RERE: variants seen among roughly 807,000 people sequenced by gnomAD.
RERE encodes arginine-glutamic acid dipeptide repeats.
Under a neutral mutation model 146.1 loss-of-function variants are expected in RERE, and 40 were observed. That is an observed-to-expected ratio of 0.27 (90% CI 0.21 to 0.36). The LOEUF (loss-of-function observed/expected upper bound fraction) is 0.36, where lower values mean the gene tolerates loss of function less well. Ranked by LOEUF, RERE falls within the 10% of genes least tolerant of loss-of-function variation. The pLI is 1.00. For missense variants in RERE, 1,933 were observed against 2,138.7 expected (o/e 0.90, Z 1.90); for synonymous variants, 1,003 against 866.0 (o/e 1.16, Z -2.78).
chr1:8,398,907 A>C (rs1303778290), intron 12 of RERE, among the ~76,000 whole-genome samples: 1 of 152,208 alleles, frequency 6.6e-6, no homozygotes, highest in Non-Finnish European at 1.5e-5. Flanking sequence ...GCTTTTCAAC[A>C]ACCTCACTTC....
At position 8,363,145 on chromosome 1, in the gene RERE, G is replaced by T. The variant is rs994811590; in HGVS notation, c.1741-301C>A. On this transcript the variant is annotated intron_variant, in intron 15 of 22. Transcript: ENST00000400908. ...GCTGGAAATGAACCACACTTTCTGA[G>T]CGGCAGAAAGTCGCCTGGGGCCATC... is the stretch of plus-strand genomic sequence containing the variant. 2.8e-4 allele frequency among the ~76,000 whole-genome samples: 42 copies of T among 152,372 alleles called. No individual in the cohort carries two copies. In the South Asian group the frequency reaches 3.5e-3, roughly 13 times the overall value.
intron 12 of RERE, among the ~76,000 whole-genome samples, chr1:8,397,699 G>A (rs1455399890): frequency 1.3e-5 from 2 of 151,740 alleles, no homozygotes; most frequent in Admixed American, 6.6e-5. Context: ...GGATCCACGC[G>A]CCTTAGACCA....
At chr1:8,527,741 G>A (rs1645587262) in intron 7 of RERE, among the ~76,000 whole-genome samples, 1 of 152,142 alleles carries the variant, frequency 6.6e-6, no homozygotes, top group South Asian at 2.1e-4. Flanking sequence ...GCATCTCACA[G>A]TTGGCTTCAC....
chr1:8,492,536 T>C (rs893327746), intron 10 of RERE, among the ~76,000 whole-genome samples: 4 of 151,902 alleles, frequency 2.6e-5, no homozygotes, highest in African/African-American at 4.8e-5. Context: ...GACAGGAGGA[T>C]TACTTAAGAC....
At position 8,497,547 on chromosome 1, in the gene RERE, G is replaced by GTA. The variant is rs1419491532; in HGVS notation, c.880-20_880-19dup. ...AGTTTGGCCTGTAAGACAGGGATGA[G>GTA]TAAGTCACAATCAAGGCATGTATTA... On this transcript the variant is annotated intron_variant, in intron 8 of 22. Coordinates refer to ENST00000400908, the MANE Select transcript of RERE (RefSeq NM_001042681.2). 6.2e-7 allele frequency: 1 copy of GTA among 1,613,476 alleles called. No individual in the cohort carries two copies. Among genetic ancestry groups the GTA allele is most frequent in the Non-Finnish European group, 8.5e-7 (1 of 1,179,604 alleles).
intron 1 of RERE, among the ~76,000 whole-genome samples, chr1:8,662,086 T>C (rs1451435286): frequency 6.6e-6 from 1 of 152,182 alleles, no homozygotes; most frequent in Non-Finnish European, 1.5e-5. Context: ...ATGTGGGCAG[T>C]TGCCAAAGCT....
At chr1:8,757,321 C>A (rs1324381860) in intron 1 of RERE, among the ~76,000 whole-genome samples, 1 of 152,246 alleles carries the variant, frequency 6.6e-6, no homozygotes, top group Non-Finnish European at 1.5e-5. Context: ...ATTTCTTTCA[C>A]TAAATAATCA....
At chr1:8,498,817 C>G (rs904474927) in intron 8 of RERE, among the ~76,000 whole-genome samples, 3 of 145,216 alleles carry the variant, frequency 2.1e-5, no homozygotes, top group Admixed American at 7.0e-5. Flanking sequence ...GCAGTGATTT[C>G]TTTACGAAAG....
At chr1:8,672,573 T>A (rs1360490624) in intron 1 of RERE, among the ~76,000 whole-genome samples, 1 of 152,228 alleles carries the variant, frequency 6.6e-6, no homozygotes, top group Non-Finnish European at 1.5e-5. Context: ...TCCATCACTT[T>A]CTATCTACTC....
intron 11 of RERE, among the ~76,000 whole-genome samples, chr1:8,459,832 C>T (rs1007439391): frequency 6.6e-6 from 1 of 152,072 alleles, no homozygotes; most frequent in East Asian, 1.9e-4. Context: ...TGAAAAGGTT[C>T]GTACTAGATG....
In RERE at chr1:8,541,187, A is replaced by G. The variant is rs78150938; in HGVS notation, c.830+27T>C. 2,164 of 1,250,608 alleles carry G rather than the reference A, an allele frequency of 1.7e-3. 29 individuals are homozygous for G. The African/African-American group carries it at 0.029, about 17-fold the overall frequency. 77.5% of individuals were successfully genotyped at this position (1,250,608 alleles called of 1,614,324 possible). ...AATGAGAAAAGGAAAAGAGTTCTCA[A>G]TGAATGGACACAAGTGACTCACTTA... On this transcript the variant is annotated intron_variant, in intron 7 of 22. Transcript: ENST00000400908.
intron 7 of RERE, among the ~76,000 whole-genome samples, chr1:8,527,656 T>C (rs889678107): frequency 2.0e-5 from 3 of 152,134 alleles, no homozygotes; most frequent in Non-Finnish European, 4.4e-5. Flanking sequence ...TCCAATGGCC[T>C]TCCCCTGTGA....
At chr1:8,481,379 G>A (rs1226428504) in intron 10 of RERE, among the ~76,000 whole-genome samples, 2 of 152,170 alleles carry the variant, frequency 1.3e-5, no homozygotes, top group African/African-American at 4.8e-5. Flanking sequence ...CTCCCAAAGT[G>A]CTGGGATTAC....
In RERE at chr1:8,483,176, C is replaced by T. The variant is rs796382915; in HGVS notation, c.1104+11887G>A. On this transcript the variant is annotated intron_variant, in intron 10 of 22. Coordinates refer to ENST00000400908, the MANE Select transcript of RERE (RefSeq NM_001042681.2). The stretch of plus-strand genomic sequence containing the variant: ...CCAACAACAAATAAAAAATCCTGAA[C>T]GACAAGAAAACCCAACATCTTACCT... Among the ~76,000 whole-genome samples the T allele has an allele frequency of 1.1e-4, 16 of 152,244 alleles. No homozygotes were observed. In the East Asian group the frequency reaches 2.3e-3, roughly 22 times the overall value.
chr1:8,801,185 A>T (rs1383611726), intron 1 of RERE, among the ~76,000 whole-genome samples: 2 of 149,672 alleles, frequency 1.3e-5, no homozygotes, highest in Non-Finnish European at 3.0e-5. Flanking sequence ...GCTTGAGCCC[A>T]GGAGGTTGAG....
intron 1 of RERE, among the ~76,000 whole-genome samples, chr1:8,791,940 A>G (rs1412277628): frequency 3.3e-5 from 5 of 152,204 alleles, no homozygotes; most frequent in Non-Finnish European, 7.4e-5. Flanking sequence ...TAACAAAGAT[A>G]AATTAGGCCG....
rs1006057094 is a variant in RERE, at chr1:8,360,262, C to T, written c.3245G>A (p.Gly1082Glu). The change falls in exon 18 of 23, where the codon GGG becomes GAG. Residue 1082 changes from glycine (G) to glutamate (E), a missense_variant. Around this residue, in one of 11 missense-constraint regions of RERE, gnomAD observed 1,255 missense variants for 1,153.8 expected, o/e 1.09. Coordinates refer to ENST00000400908, the MANE Select transcript of RERE (RefSeq NM_001042681.2). ...GGTGGGGAGTGGGCAGGACGACCCC[C>T]CCGCTATGCTGCCTCCTGAAGCCGC... ...GAAASGGSIA[G>E]GSSCPLPTVQ... 2 of 1,573,292 alleles carry T rather than the reference C, an allele frequency of 1.3e-6. No homozygotes were observed.
At chr1:8,813,173 T>A (rs1641845096) in intron 1 of RERE, among the ~76,000 whole-genome samples, 1 of 152,224 alleles carries the variant, frequency 6.6e-6, no homozygotes, top group Non-Finnish European at 1.5e-5. Flanking sequence ...GAGCACAGCA[T>A]TATCAGAAAC....
intron 1 of RERE, among the ~76,000 whole-genome samples, chr1:8,686,648 G>T (rs964796322): frequency 6.6e-6 from 1 of 152,146 alleles, no homozygotes; most frequent in African/African-American, 2.4e-5. Flanking sequence ...TACTTGGGAG[G>T]CTGAGGCAGC....
Sources: gnomAD v4.1 joint callset for allele counts (sites outside exome capture counted in the v4.1 genomes callset) on GRCh38, gnomAD v4.1.1 for gene constraint, gnomAD v4.1.1 regional missense constraint, MANE v1.5 for transcripts, NCBI Gene and HGNC (gene_info 2026-07-23, HGNC 2026-07-21) for gene names.